Variants in B3GAT1 observed in about 807,000 individuals in gnomAD.
The protein encoded by B3GAT1 is galactosylgalactosylxylosylprotein 3-beta-glucuronosyltransferase 1.
A neutral mutation model predicts 28.4 loss-of-function variants in B3GAT1; 11 were observed. That is an observed-to-expected ratio of 0.39 (90% CI 0.24 to 0.64). The LOEUF is 0.64. Ranked by LOEUF, B3GAT1 falls within the 30% of genes least tolerant of loss-of-function variation. The probability of loss-of-function intolerance (pLI) is 0.50; values close to 1 mark genes in which losing one functional copy is unlikely to be tolerated. For synonymous variants in B3GAT1, 255 were observed against 223.1 expected (o/e 1.14, Z -1.27); for missense variants, 375 against 491.0 (o/e 0.76, Z 2.23).
rs1944845798 is a variant in B3GAT1 at position 134,411,157 on chromosome 11, C to T, written c.-282+650G>A. On this transcript the variant is annotated intron_variant, in intron 1 of 5. Coordinates refer to ENST00000312527, the MANE Select transcript of B3GAT1 (RefSeq NM_054025.3). The surrounding 1 kb of genome is among the most constrained non-coding windows in gnomAD (Gnocchi z 6.0). ...CTCTATTTCCTGCCTCAACTCTCAGCCTCCTTTTTCTGGAAGTTGTGTGCT... is the reference window on the plus strand; with the variant it reads ...CTCTATTTCCTGCCTCAACTCTCAGTCTCCTTTTTCTGGAAGTTGTGTGCT... Among the ~76,000 whole-genome samples, 1 of 152,160 alleles carries T rather than the reference C, an allele frequency of 6.6e-6. No individual in the cohort carries two copies. The highest frequency in any genetic ancestry group is 1.5e-5 in the Non-Finnish European group (1 of 68,042).
chr11:134,401,700 C>A (rs897627300), intron 1 of B3GAT1, among the ~76,000 whole-genome samples: 1 of 152,022 alleles, frequency 6.6e-6, no homozygotes, highest in African/African-American at 2.4e-5. Context: ...GGGTAACAAA[C>A]CTGCACATGT....
At chr11:134,384,313 C>T in intron 2 of B3GAT1, 125 bp from the exon 3 acceptor site, 2 of 1,258,468 alleles carry the variant, frequency 1.6e-6, no homozygotes, top group South Asian at 1.6e-5. Flanking sequence ...CTGCTCAGAC[C>T]CCCGCCTTGC....
At chr11:134,405,675 C>T (rs76322300) in intron 1 of B3GAT1, among the ~76,000 whole-genome samples, 69 of 152,314 alleles carry the variant, frequency 4.5e-4, no homozygotes, top group East Asian at 4.1e-3. Flanking sequence ...ACAATCTGCC[C>T]GGGAGGGCAC....
Position 134,392,284 on chromosome 11 carries a change from G to GCCAGCA in B3GAT1, c.-281-4345_-281-4344insTGCTGG, listed in dbSNP as rs200685023. ...CATGGAACTGAGTCCTGACTTAAGG[G>GCCAGCA]CCCGTGGAACTGAGTCCTGACTTAA... On this transcript the variant is annotated intron_variant, in intron 1 of 5. Transcript: ENST00000312527. The GCCAGCA allele has an allele frequency of 7.9e-3, 1,141 of 144,224 alleles. 1 individual carries two copies. Among genetic ancestry groups the GCCAGCA allele is most frequent in the African/African-American group, 0.027 (908 of 34,252 alleles). The allele number at this position is 144,224 out of a possible 1,614,324, so 8.9% of individuals were successfully genotyped here. A position where few individuals can be genotyped will look rare whatever the true frequency, so the allele number is the denominator to read the frequency against.
intron 2 of B3GAT1, chr11:134,387,151 A>C: frequency 5.4e-6 from 1 of 184,660 alleles, no homozygotes; most frequent in Non-Finnish European, 1.1e-5. Context: ...TTCCCTTCCT[A>C]TGAAAACCAC....
intron 4 of B3GAT1, 77 bp downstream of exon 4, chr11:134,382,633 T>C (rs1944160165): frequency 6.6e-7 from 1 of 1,521,336 alleles, no homozygotes; most frequent in Admixed American, 1.9e-5. Flanking sequence ...CTCTGTTTCC[T>C]TCTCCCGATC....
Position 134,380,971 on chromosome 11 carries a change from G to A in B3GAT1, c.*15-224C>T, listed in dbSNP as rs143202920. 1.8e-3 allele frequency among the ~76,000 whole-genome samples: 274 copies of A among 152,334 alleles called. 1 individual carries two copies. The highest frequency in any genetic ancestry group is 2.3e-3 in the Non-Finnish European group (157 of 68,036). Reference sequence around the variant, plus strand: ...CATTCTAAGTGGCGCTGGCCAAGGTGACTGAGTGACACCCTGTGGTCCTCT... The same window carrying A: ...CATTCTAAGTGGCGCTGGCCAAGGTAACTGAGTGACACCCTGTGGTCCTCT... On this transcript the variant is annotated intron_variant, in intron 5 of 5. Coordinates refer to ENST00000312527, the MANE Select transcript of B3GAT1 (RefSeq NM_054025.3).
intron 3 of B3GAT1, 122 bp from the exon 4 acceptor site, chr11:134,383,128 T>A: frequency 1.8e-6 from 2 of 1,127,654 alleles, no homozygotes; most frequent in Non-Finnish European, 2.5e-6. Flanking sequence ...CGCGGCCACC[T>A]AGGGGGTGTC....
chr11:134,404,695 G>A (rs906961064), intron 1 of B3GAT1, among the ~76,000 whole-genome samples: 7 of 152,156 alleles, frequency 4.6e-5, no homozygotes, highest in African/African-American at 1.7e-4. Flanking sequence ...GAGTGTGCAC[G>A]CCCCACTGAC....
At position 134,378,579 on chromosome 11, in the gene B3GAT1, A is replaced by T. The variant is rs1231168789; in HGVS notation, c.*2183T>A. On this transcript the variant is annotated 3_prime_UTR_variant, in exon 6 of 6. Coordinates refer to ENST00000312527, the MANE Select transcript of B3GAT1 (RefSeq NM_054025.3). ...ATACAGTTAAATTAAAACAGACCAG[A>T]TGCAGCTGCCTGGGTGCCACCCTCA... is the stretch of plus-strand genomic sequence containing the variant. 1 of 152,242 alleles carries T rather than the reference A, an allele frequency of 6.6e-6. No individual in the cohort carries two copies. Among genetic ancestry groups the T allele is most frequent in the Non-Finnish European group, 1.5e-5 (1 of 68,068 alleles). The allele number at this position is 152,242 out of a possible 1,614,324, so 9.4% of individuals were successfully genotyped here.
At chr11:134,403,445 C>T (rs1410609636) in intron 1 of B3GAT1, among the ~76,000 whole-genome samples, 1 of 152,192 alleles carries the variant, frequency 6.6e-6, no homozygotes, top group Non-Finnish European at 1.5e-5. Flanking sequence ...CAGGGCTGGG[C>T]ACCACAGGGT....
At chr11:134,382,343 A>G (rs1166102799) in intron 4 of B3GAT1, among the ~76,000 whole-genome samples, 1 of 152,136 alleles carries the variant, frequency 6.6e-6, no homozygotes, top group Non-Finnish European at 1.5e-5. Context: ...GTTCATGTGC[A>G]TATGTGTATA....
Position 134,378,603 on chromosome 11 carries a change from C to T in B3GAT1, c.*2159G>A, listed in dbSNP as rs1357583586. The T allele has an allele frequency of 6.6e-6, 1 of 152,240 alleles. No homozygotes were observed. The highest frequency in any genetic ancestry group is 1.5e-5 in the Non-Finnish European group (1 of 68,050). The allele number at this position is 152,240 out of a possible 1,614,324, so 9.4% of individuals were successfully genotyped here. A position where few individuals can be genotyped will look rare whatever the true frequency, so the allele number is the denominator to read the frequency against. ...GATGCAGCTGCCTGGGTGCCACCCT[C>T]ACCCCAGCCTCTGTTCTTAGAACTC... On this transcript the variant is annotated 3_prime_UTR_variant, in exon 6 of 6. Coordinates refer to ENST00000312527, the MANE Select transcript of B3GAT1 (RefSeq NM_054025.3).
chr11:134,399,450 G>A (rs898449138), intron 1 of B3GAT1, among the ~76,000 whole-genome samples: 4 of 152,224 alleles, frequency 2.6e-5, no homozygotes, highest in African/African-American at 4.8e-5. Context: ...ACCACAGGGC[G>A]CCTGCTCAGT....
intron 1 of B3GAT1, among the ~76,000 whole-genome samples, chr11:134,406,202 G>C (rs918760994): frequency 2.0e-5 from 3 of 152,206 alleles, no homozygotes; most frequent in African/African-American, 7.2e-5. Context: ...AGGGAGGGGT[G>C]AGCCCAGGCA....
intron 1 of B3GAT1, chr11:134,390,450 G>T (rs1944386006): frequency 6.6e-6 from 1 of 152,262 alleles, no homozygotes; most frequent in Non-Finnish European, 1.5e-5. Context: ...TTTCTCAAGT[G>T]CTCCTGGTGT....
At position 134,387,699 on chromosome 11, in the gene B3GAT1, G is replaced by A; in HGVS notation, c.-40C>T. 6.2e-7 allele frequency: 1 copy of A among 1,612,554 alleles called. No individual in the cohort carries two copies. Among genetic ancestry groups the A allele is most frequent in the Admixed American group, 1.7e-5 (1 of 59,822 alleles). Reference sequence around the variant, plus strand: ...GCACCCACGGCTCCTCATTACCTGAGTGGCGGTAAGTTCAGGAGAGGGGCG... The same window carrying A: ...GCACCCACGGCTCCTCATTACCTGAATGGCGGTAAGTTCAGGAGAGGGGCG... On this transcript the variant is annotated 5_prime_UTR_variant, in exon 2 of 6. Coordinates refer to ENST00000312527, the MANE Select transcript of B3GAT1 (RefSeq NM_054025.3).
At chr11:134,405,173 C>A (rs1416363885) in intron 1 of B3GAT1, among the ~76,000 whole-genome samples, 1 of 152,216 alleles carries the variant, frequency 6.6e-6, no homozygotes, top group Non-Finnish European at 1.5e-5. Flanking sequence ...CACAGCCCTG[C>A]CTCAGAGGGA....
In B3GAT1 at chr11:134,382,806, C is replaced by T; in HGVS notation, c.822G>A (p.Lys274=). Residue 274 remains lysine (K), a synonymous_variant, in exon 4 of 6, where the codon AAG becomes AAA. Transcript: ENST00000312527. ...LILQRSQAYF[K]LRGVKGGYQE... The stretch of plus-strand genomic sequence containing the variant: ...GGTAGCCTCCCTTCACACCTCGCAG[C>T]TTGAAGTAGGCCTGGCTTCGCTGCA... 6.2e-7 allele frequency: 1 copy of T among 1,614,212 alleles called. No homozygotes were observed. The highest frequency in any genetic ancestry group is 8.5e-7 in the Non-Finnish European group (1 of 1,180,030).
Sources: allele counts gnomAD v4.1 joint callset (sites outside exome capture counted in the v4.1 genomes callset), GRCh38; gene constraint gnomAD v4.1.1; non-coding constraint Gnocchi (gnomAD v3.1); transcripts MANE v1.5; gene names NCBI Gene and HGNC (gene_info 2026-07-23, HGNC 2026-07-21).